The following EXOC4 variants were observed in gnomAD, a reference collection of about 807,000 sequenced individuals.
EXOC4 encodes the protein SEC8-like 1.
A neutral mutation model predicts 107.2 loss-of-function variants in EXOC4; 71 were observed. The ratio of observed to expected loss-of-function variants is 0.66; its 90% CI spans 0.55 to 0.81. EXOC4 has a LOEUF of 0.81. Ranked by LOEUF, EXOC4 falls within the 30% of genes least tolerant of loss-of-function variation. The probability of loss-of-function intolerance (pLI) is 0.00; values close to 1 mark genes in which losing one functional copy is unlikely to be tolerated. For synonymous variants in EXOC4, 456 were observed against 441.2 expected, an observed-to-expected ratio of 1.03 and a Z score of -0.42; for missense variants, 1,108 against 1,189.6, an observed-to-expected ratio of 0.93 and a Z score of 1.01.
At chr7:133,506,575 C>A (rs1387747902) in intron 9 of EXOC4, among the ~76,000 whole-genome samples, 4 of 152,008 alleles carry the variant, frequency 2.6e-5, no homozygotes, top group Non-Finnish European at 5.9e-5. Context: ...CTGTGATACT[C>A]CTTTAATATA....
intron 9 of EXOC4, among the ~76,000 whole-genome samples, chr7:133,508,328 G>A (rs2150895280): frequency 6.6e-6 from 1 of 152,216 alleles, no homozygotes. Context: ...TGACTCAGTA[G>A]GTCTGAGATG....
Position 133,638,685 on chromosome 7 carries a change from C to T in EXOC4, c.1514+8544C>T, listed in dbSNP as rs190932835. Among the ~76,000 whole-genome samples, 52 of 152,020 alleles carry T rather than the reference C, an allele frequency of 3.4e-4. 1 individual carries two copies. The highest frequency in any genetic ancestry group is 6.8e-3 in the Middle Eastern group (2 of 294). ...TTTCATGTCCAGTAACTGGTACGTA[C>T]GAGTATAACTTAACTCTTCCAGTGA... On this transcript the variant is annotated intron_variant, in intron 10 of 17. Coordinates refer to ENST00000253861, the MANE Select transcript of EXOC4 (RefSeq NM_021807.4).
intron 5 of EXOC4, among the ~76,000 whole-genome samples, chr7:133,323,890 C>G (rs1795174025): frequency 6.6e-6 from 1 of 152,070 alleles, no homozygotes; most frequent in Non-Finnish European, 1.5e-5. Context: ...AATTTCAGAG[C>G]CTGTTATTGG....
intron 11 of EXOC4, among the ~76,000 whole-genome samples, chr7:133,888,002 G>T (rs1437522855): frequency 2.0e-5 from 3 of 152,096 alleles, no homozygotes; most frequent in African/African-American, 7.2e-5. Flanking sequence ...GAACTTCTGG[G>T]GATTCTATAG....
intron 10 of EXOC4, among the ~76,000 whole-genome samples, chr7:133,787,641 G>A (rs1359159007): frequency 6.6e-6 from 1 of 151,660 alleles, no homozygotes; most frequent in Non-Finnish European, 1.5e-5. Flanking sequence ...GGCTCTTGGT[G>A]GCTTACAGAC....
chr7:134,058,640 A>G (rs1986692), intron 17 of EXOC4, among the ~76,000 whole-genome samples: 73,589 of 151,748 alleles, frequency 0.48, 19,819 homozygotes, highest in African/African-American at 0.74. Context: ...AATTTGAATC[A>G]CCACAATACT....
intron 16 of EXOC4, 90 bp from the exon 17 acceptor site, chr7:134,007,586 A>G: frequency 7.9e-7 from 1 of 1,258,056 alleles, no homozygotes; most frequent in South Asian, 1.7e-5. Context: ...ATAGAGGATT[A>G]GAAGACAGCA....
chr7:133,546,278 A>G (rs1800480578), intron 9 of EXOC4, among the ~76,000 whole-genome samples: 1 of 126,422 alleles, frequency 7.9e-6, no homozygotes, highest in African/African-American at 3.1e-5. Context: ...TTTTTCCGAG[A>G]TGGAGTCTTG....
chr7:134,017,262 C>T (rs545163271), intron 17 of EXOC4, among the ~76,000 whole-genome samples: 1 of 152,144 alleles, frequency 6.6e-6, no homozygotes, highest in Admixed American at 6.5e-5. Context: ...GACTAGTCTG[C>T]TGCCAAAAAA....
intron 2 of EXOC4, among the ~76,000 whole-genome samples, chr7:133,282,710 A>C (rs1172993295): frequency 6.6e-6 from 1 of 152,160 alleles, no homozygotes; most frequent in Non-Finnish European, 1.5e-5. Context: ...TGAAATATGT[A>C]TACACTGTGG....
chr7:133,845,984 G>T lies in EXOC4; in HGVS notation c.1734+28440G>T, dbSNP rs981698909. ...ATAATAAAACAATAGACTTTGCAAT[G>T]AATTCTGTAATAACTGCCTTTTAAT... On this transcript the variant is annotated intron_variant, in intron 11 of 17. Coordinates refer to ENST00000253861, the MANE Select transcript of EXOC4 (RefSeq NM_021807.4). Among the ~76,000 whole-genome samples, 4 of 151,964 alleles carry T rather than the reference G, an allele frequency of 2.6e-5. No individual in the cohort carries two copies. The East Asian group carries it at 5.8e-4, about 22-fold the overall frequency.
At chr7:133,271,945 A>G (rs951778908) in intron 1 of EXOC4, among the ~76,000 whole-genome samples, 7 of 152,032 alleles carry the variant, frequency 4.6e-5, no homozygotes, top group Middle Eastern at 3.2e-3. Context: ...TAAGTGATCT[A>G]GTATTTGGGG....
intron 13 of EXOC4, among the ~76,000 whole-genome samples, chr7:133,932,168 C>T (rs973039459): frequency 1.3e-5 from 2 of 152,158 alleles, no homozygotes; most frequent in South Asian, 2.1e-4. Context: ...TGATTGCTTT[C>T]GTAATATTGC....
At chr7:133,892,762 C>G (rs1799223465) in intron 11 of EXOC4, among the ~76,000 whole-genome samples, 1 of 134,282 alleles carries the variant, frequency 7.4e-6, no homozygotes, top group South Asian at 2.6e-4. Context: ...ATCCTGAGTT[C>G]TAGTTTGATT....
At chr7:133,951,554 C>T (rs1311421103) in intron 14 of EXOC4, among the ~76,000 whole-genome samples, 2 of 152,188 alleles carry the variant, frequency 1.3e-5, no homozygotes, top group Non-Finnish European at 1.5e-5. Context: ...ACATGAAATG[C>T]CCAAATCTGC....
chr7:133,363,811 A>T (rs1796186419), intron 6 of EXOC4, among the ~76,000 whole-genome samples: 1 of 152,114 alleles, frequency 6.6e-6, no homozygotes, highest in Non-Finnish European at 1.5e-5. Context: ...AGGTTTTGTC[A>T]TTTTTGTGCA....
chr7:133,342,749 G>A (rs1473458833), intron 5 of EXOC4, among the ~76,000 whole-genome samples: 1 of 151,656 alleles, frequency 6.6e-6, no homozygotes, highest in African/African-American at 2.4e-5. Flanking sequence ...GTCAGATTGG[G>A]TTAATTTGAA....
intron 17 of EXOC4, among the ~76,000 whole-genome samples, chr7:134,049,015 C>G (rs1360439365): frequency 6.6e-6 from 1 of 152,192 alleles, no homozygotes; most frequent in Non-Finnish European, 1.5e-5. Context: ...CCAGATTCCT[C>G]CCTGTCATTG....
At chr7:133,443,050 T>G (rs1299919878) in intron 7 of EXOC4, among the ~76,000 whole-genome samples, 1 of 152,110 alleles carries the variant, frequency 6.6e-6, no homozygotes, top group African/African-American at 2.4e-5. Flanking sequence ...TGTGAAGTAG[T>G]GGAGTGAGAA....
Sources: allele counts gnomAD v4.1 joint callset (sites outside exome capture counted in the v4.1 genomes callset), GRCh38; gene constraint gnomAD v4.1.1; transcripts MANE v1.5; gene names NCBI Gene and HGNC (gene_info 2026-07-23, HGNC 2026-07-21).